KNDC1: variants seen among roughly 807,000 people sequenced by gnomAD.
KNDC1 encodes the protein kinase non-catalytic C-lobe domain containing 1, also known as kinase non-catalytic C-lobe domain-containing protein 1.
Under a neutral mutation model 172.8 loss-of-function variants are expected in KNDC1, and 106 were observed. The observed-to-expected ratio is 0.61, with a 90% CI of 0.52 to 0.72. KNDC1 has a LOEUF of 0.72. KNDC1 is among the 30% of genes least tolerant of loss of function. KNDC1 has a pLI of 0.00. For missense variants in KNDC1, 2,325 were observed against 2,394.5 expected, an observed-to-expected ratio of 0.97 and a Z score of 0.61; for synonymous variants, 1,083 against 1,062.2, an observed-to-expected ratio of 1.02 and a Z score of -0.38.
intron 3 of KNDC1, among the ~76,000 whole-genome samples, chr10:133,181,323 C>T (rs568250793): frequency 6.6e-6 from 1 of 152,362 alleles, no homozygotes; most frequent in Non-Finnish European, 1.5e-5. Flanking sequence ...GACCCTGGCC[C>T]AGGCACGAGA....
In KNDC1 at chr10:133,168,832, T is replaced by A. The variant is rs1372346457; in HGVS notation, c.360+520T>A. On this transcript the variant is annotated intron_variant, in intron 3 of 29. Coordinates refer to ENST00000304613, the MANE Select transcript of KNDC1 (RefSeq NM_152643.8). Reference sequence around the variant, plus strand: ...CCTGGGGGCCTCACCGGCAGAGTCATAGATGCTGCTGCTCCCAGAGCAGAC... The same window carrying A: ...CCTGGGGGCCTCACCGGCAGAGTCAAAGATGCTGCTGCTCCCAGAGCAGAC... Among the ~76,000 whole-genome samples the A allele has an allele frequency of 2.6e-5, 4 of 152,088 alleles. No homozygotes were observed. In the East Asian group the frequency reaches 7.8e-4, roughly 29 times the overall value.
rs769772804 is a variant in KNDC1 at position 133,188,659 on chromosome 10, G to A, written c.1441+6G>A. The A allele has an allele frequency of 1.2e-5, 19 of 1,546,390 alleles. No individual in the cohort carries two copies. The highest frequency in any genetic ancestry group is 3.5e-5 in the South Asian group (3 of 85,806). On this transcript the variant is annotated splice_donor_region_variant and intron_variant, in intron 7 of 29. Coordinates refer to ENST00000304613, the MANE Select transcript of KNDC1 (RefSeq NM_152643.8). Reference sequence around the variant, plus strand: ...GACACGCCCTGAGCACCCAGGTGACGCACGCACCATCCCATCCCCCCCGCC... The same window carrying A: ...GACACGCCCTGAGCACCCAGGTGACACACGCACCATCCCATCCCCCCCGCC...
rs957016432 is a variant in KNDC1, at chr10:133,225,781, ACACT to A, written c.*895_*898del. On this transcript the variant is annotated 3_prime_UTR_variant, in exon 30 of 30. Transcript: ENST00000304613. Reference sequence around the variant, plus strand: ...CAGCCCTGCCTCCACAGCTCGCCACACACTCACGCTTCGCCAGAGACAGGAAGTG... The same window carrying A: ...CAGCCCTGCCTCCACAGCTCGCCACACACGCTTCGCCAGAGACAGGAAGTG... The A allele has an allele frequency of 6.5e-6, 1 of 152,888 alleles. No homozygotes were observed. The highest frequency in any genetic ancestry group is 1.5e-5 in the Non-Finnish European group (1 of 68,486). 9.5% of individuals were successfully genotyped at this position (152,888 alleles called of 1,614,324 possible).
intron 26 of KNDC1, among the ~76,000 whole-genome samples, chr10:133,214,681 G>A (rs1159868993): frequency 6.6e-6 from 1 of 152,244 alleles, no homozygotes; most frequent in African/African-American, 2.4e-5. Context: ...CTCATTGTGG[G>A]TTCTTAGTCT....
chr10:133,161,489 T>TC, intron 1 of KNDC1, among the ~76,000 whole-genome samples: 2 of 151,986 alleles, frequency 1.3e-5, no homozygotes. Context: ...CCCCTCGCAG[T>TC]CCCCACCTGC....
rs771757132 is a variant in KNDC1, at chr10:133,224,661, A to G, written c.5021A>G (p.Asn1674Ser). The G allele has an allele frequency of 7.4e-6, 12 of 1,613,552 alleles. No individual in the cohort carries two copies. Among genetic ancestry groups the G allele is most frequent in the Non-Finnish European group, 9.3e-6 (11 of 1,179,572 alleles). The change falls in exon 30 of 30, where the codon AAC (asparagine) becomes AGC (serine). Residue 1674 changes from asparagine (N) to serine (S), a missense_variant and splice_region_variant. Coordinates refer to ENST00000304613, the MANE Select transcript of KNDC1 (RefSeq NM_152643.8). The surrounding 1 kb of genome is among the most constrained non-coding windows in gnomAD (Gnocchi z 5.4). ...NGAHRWSKLR[N>S]IAKVVSQVHA... is the part of the protein sequence containing the mutation. ...GTCTCTTCTTTCCTCAACGGAAGGAACATCGCAAAGGTGGTGAGCCAGGTG... is the reference window on the plus strand; with the variant it reads ...GTCTCTTCTTTCCTCAACGGAAGGAGCATCGCAAAGGTGGTGAGCCAGGTG...
intron 1 of KNDC1, among the ~76,000 whole-genome samples, chr10:133,164,883 C>T (rs1853097661): frequency 6.6e-6 from 1 of 152,200 alleles, no homozygotes; most frequent in Non-Finnish European, 1.5e-5. Flanking sequence ...TCTCCCAGTC[C>T]TCTCGTCCTG....
intron 5 of KNDC1, 71 bp from the exon 6 acceptor site, chr10:133,185,903 G>T (rs1432765889): frequency 1.4e-5 from 10 of 713,040 alleles, no homozygotes; most frequent in Non-Finnish European, 2.1e-5. Context: ...TGGGAGGAGA[G>T]GGGAGGGGCG....
chr10:133,190,338 A>G (rs879908215), intron 9 of KNDC1, among the ~76,000 whole-genome samples: 2 of 58,460 alleles, frequency 3.4e-5, no homozygotes, highest in Non-Finnish European at 5.1e-5. Flanking sequence ...CCTGCACTAA[A>G]CACCCTGCAC....
At chr10:133,202,557 A>G (rs1159900426) in intron 17 of KNDC1, 2 of 454,172 alleles carry the variant, frequency 4.4e-6, no homozygotes, top group Admixed American at 2.4e-5. Flanking sequence ...GGAGGGGCCC[A>G]GTGGCCATCA....
chr10:133,201,925 G>T, intron 17 of KNDC1, 27 bp downstream of exon 17: 1 of 1,518,620 alleles, frequency 6.6e-7, no homozygotes, highest in East Asian at 2.5e-5. Context: ...GGCACTGCCG[G>T]GTGGGGCAGG....
intron 1 of KNDC1, 51 bp downstream of exon 1, chr10:133,160,620 G>A: frequency 1.5e-6 from 2 of 1,353,378 alleles, no homozygotes; most frequent in South Asian, 1.3e-5. Flanking sequence ...AGGGGTCCGC[G>A]GAGAGCGCCC....
In KNDC1 at chr10:133,183,979, A is replaced by G. The variant is rs770358618; in HGVS notation, c.615A>G (p.Gly205=). The G allele has an allele frequency of 6.3e-7, 1 of 1,575,982 alleles. No homozygotes were observed. The highest frequency in any genetic ancestry group is 1.1e-5 in the South Asian group (1 of 88,602). ...GRRVLSIESF[G]ALQDVSESSW... Reference sequence around the variant, plus strand: ...GGGTCCTCTCCATCGAGTCCTTCGGAGCGCTGCAGGGTGAGTTCTTGAACC... The same window carrying G: ...GGGTCCTCTCCATCGAGTCCTTCGGGGCGCTGCAGGGTGAGTTCTTGAACC... The change falls in exon 5 of 30, where the codon GGA becomes GGG. Residue 205 remains glycine (G), a synonymous_variant. Coordinates refer to ENST00000304613, the MANE Select transcript of KNDC1 (RefSeq NM_152643.8).
At chr10:133,184,782 G>A (rs937302175) in intron 5 of KNDC1, among the ~76,000 whole-genome samples, 1 of 152,178 alleles carries the variant, frequency 6.6e-6, no homozygotes, top group South Asian at 2.1e-4. Flanking sequence ...ATTGGTGCCA[G>A]TGTGGCATTG....
intron 1 of KNDC1, among the ~76,000 whole-genome samples, chr10:133,166,443 G>A (rs1361335753): frequency 1.3e-5 from 2 of 148,376 alleles, no homozygotes; most frequent in East Asian, 3.8e-4. Context: ...GTGGGAATGG[G>A]TGTGTGCGGG....
rs1321481531 is a variant in KNDC1 at position 133,186,455 on chromosome 10, G to A, written c.1107G>A (p.Pro369=). The A allele has an allele frequency of 1.9e-5, 30 of 1,612,278 alleles. No homozygotes were observed. The highest frequency in any genetic ancestry group is 6.7e-5 in the East Asian group (3 of 44,888). Residue 369 remains proline, a synonymous_variant, in exon 6 of 30, where the codon CCG becomes CCA. Transcript: ENST00000304613. ...GCAGGCTGTGGCCGGAGCAGGAGCC[G>A]GAACACCAGCTGGGACGGGTTCCCT... ...PKCRLWPEQE[P]EHQLGRVPCA...
rs201944691 is a variant in KNDC1, at chr10:133,177,284, CAT to C, written c.361-6057_361-6056del. Among the ~76,000 whole-genome samples the C allele has an allele frequency of 1.0e-3, 154 of 152,112 alleles. 3 individuals carry two copies. The East Asian group carries it at 0.023, about 23-fold the overall frequency. Reference sequence around the variant, plus strand: ...TTGTGTGCACATGTATGTGGTCTGGCATATGTGTGCATCTATGTAGTGTGTAC... The same window carrying C: ...TTGTGTGCACATGTATGTGGTCTGGCATGTGTGCATCTATGTAGTGTGTAC... On this transcript the variant is annotated intron_variant, in intron 3 of 29. Coordinates refer to ENST00000304613, the MANE Select transcript of KNDC1 (RefSeq NM_152643.8).
chr10:133,160,970 G>A (rs1309509774), intron 1 of KNDC1, among the ~76,000 whole-genome samples: 2 of 151,952 alleles, frequency 1.3e-5, no homozygotes, highest in Non-Finnish European at 2.9e-5. Context: ...CCCCGGAGCT[G>A]AGGTTCAGGA....
At position 133,160,277 on chromosome 10, in the gene KNDC1, ACCCCGCGCC is replaced by A. The variant is rs758056959; in HGVS notation, c.-176_-168del. ...GGACAGCGCCGCGCAGCCCCCGCGC[ACCCCGCGCC>A]CCCCGCGCCCCCCGGGCCCGCCCCG... On this transcript the variant is annotated 5_prime_UTR_variant, in exon 1 of 30. Transcript: ENST00000304613. Among the ~76,000 whole-genome samples, 30,472 of 132,834 alleles carry A rather than the reference ACCCCGCGCC, an allele frequency of 0.23. 3,456 individuals carry two copies. Among genetic ancestry groups the A allele is most frequent in the Admixed American group, 0.3 (4,286 of 14,158 alleles). 87.1% of individuals were successfully genotyped at this position (132,834 alleles called of 152,430 possible). A position where few individuals can be genotyped will look rare whatever the true frequency, so the allele number is the denominator to read the frequency against.
Sources: allele counts gnomAD v4.1 joint callset (sites outside exome capture counted in the v4.1 genomes callset), GRCh38; gene constraint gnomAD v4.1.1; non-coding constraint Gnocchi (gnomAD v3.1); transcripts MANE v1.5; gene names NCBI Gene and HGNC (gene_info 2026-07-23, HGNC 2026-07-21).